Variants in GPC6 observed in about 807,000 individuals in gnomAD.
The protein encoded by GPC6 is glypican 6, also known as glypican-6.
GPC6 carries 14 observed loss-of-function variants against 55.2 expected under a neutral mutation model. The ratio of observed to expected loss-of-function variants is 0.25; its 90% confidence interval spans 0.17 to 0.40. The LOEUF is 0.40. GPC6 is among the 10% of genes least tolerant of loss of function. GPC6 has a pLI of 1.00. For missense variants in GPC6, 641 were observed against 708.5 expected (o/e 0.90, Z 1.08); for synonymous variants, 278 against 259.6 (o/e 1.07, Z -0.68).
intron 3 of GPC6, among the ~76,000 whole-genome samples, chr13:93,916,817 G>A (rs1193509150): frequency 6.6e-6 from 1 of 151,824 alleles, no homozygotes; most frequent in African/African-American, 2.4e-5. Flanking sequence ...GGAGGGGAGG[G>A]GTGGGTTTAT....
intron 3 of GPC6, among the ~76,000 whole-genome samples, chr13:93,883,757 G>A (rs1875145342): frequency 6.6e-6 from 1 of 151,906 alleles, no homozygotes; most frequent in Non-Finnish European, 1.5e-5. Context: ...CTTTTTGACT[G>A]CCAGGTGACT....
At chr13:93,625,868 C>T (rs1879179720) in intron 2 of GPC6, among the ~76,000 whole-genome samples, 1 of 152,184 alleles carries the variant, frequency 6.6e-6, no homozygotes, top group African/African-American at 2.4e-5. Flanking sequence ...TGGCCAAGAA[C>T]AGCCTGTATT....
At chr13:94,156,193 T>A (rs1472008364) in intron 4 of GPC6, among the ~76,000 whole-genome samples, 1 of 152,108 alleles carries the variant, frequency 6.6e-6, no homozygotes, top group East Asian at 1.9e-4. Flanking sequence ...TTAAGTAAGA[T>A]AAGGAGAAAC....
At chr13:93,375,289 T>C (rs910870776) in intron 1 of GPC6, among the ~76,000 whole-genome samples, 4 of 152,228 alleles carry the variant, frequency 2.6e-5, no homozygotes, top group Admixed American at 6.5e-5. Context: ...TGCGGTAATG[T>C]AATAACACAG....
At chr13:93,903,423 C>T (rs1280431472) in intron 3 of GPC6, among the ~76,000 whole-genome samples, 1 of 152,184 alleles carries the variant, frequency 6.6e-6, no homozygotes, top group Non-Finnish European at 1.5e-5. Context: ...TGCTGCAGAA[C>T]TTTCAAAGAT....
chr13:93,664,746 T>A lies in GPC6; in HGVS notation c.319+119325T>A, dbSNP rs1359503649. ...AATTCTCCTGCCTCAGCCTCCTGAG[T>A]AGCTGGGATTACAGGCATGCGCCAC... On this transcript the variant is annotated intron_variant, in intron 2 of 8. Transcript: ENST00000377047. Among the ~76,000 whole-genome samples the A allele has an allele frequency of 2.6e-5, 4 of 152,216 alleles. 1 individual carries two copies. The highest frequency in any genetic ancestry group is 9.6e-5 in the African/African-American group (4 of 41,536).
chr13:93,876,957 A>G (rs1874629328), intron 3 of GPC6, among the ~76,000 whole-genome samples: 1 of 152,074 alleles, frequency 6.6e-6, no homozygotes, highest in African/African-American at 2.4e-5. Context: ...CATTTCCAAC[A>G]AAGTCTAAAC....
intron 1 of GPC6, among the ~76,000 whole-genome samples, chr13:93,400,680 A>G (rs1172047632): frequency 6.6e-6 from 1 of 152,162 alleles, no homozygotes; most frequent in Non-Finnish European, 1.5e-5. Context: ...CATGCATTTT[A>G]TGTCTGTATC....
intron 2 of GPC6, among the ~76,000 whole-genome samples, chr13:93,700,173 TA>T (rs1326261642): frequency 6.6e-6 from 1 of 152,126 alleles, no homozygotes; most frequent in Non-Finnish European, 1.5e-5. Context: ...CTTTTCTCTG[TA>T]AAATGAAACC....
chr13:93,764,011 G>GGATCTACT lies in GPC6; in HGVS notation c.320-66139_320-66132dup, dbSNP rs1566523283. ...AACCTTTGCACTTATATCACAGATCGGATCTACTGATTCCTTTTGAATTCC... is the reference window on the plus strand; with the variant it reads ...AACCTTTGCACTTATATCACAGATCGGATCTACTGATCTACTGATTCCTTTTGAATTCC... On this transcript the variant is annotated intron_variant, in intron 2 of 8. Coordinates refer to ENST00000377047, the MANE Select transcript of GPC6 (RefSeq NM_005708.5). 3.9e-5 allele frequency among the ~76,000 whole-genome samples: 6 copies of GGATCTACT among 152,122 alleles called. No individual in the cohort carries two copies. The South Asian group carries it at 1.0e-3, about 26-fold the overall frequency.
chr13:94,007,880 A>G (rs1183290380), intron 3 of GPC6, among the ~76,000 whole-genome samples: 1 of 152,132 alleles, frequency 6.6e-6, no homozygotes, highest in African/African-American at 2.4e-5. Flanking sequence ...TACATTTTTA[A>G]GGAAACAATT....
intron 2 of GPC6, among the ~76,000 whole-genome samples, chr13:93,556,082 C>G (rs1875448691): frequency 6.6e-6 from 1 of 152,064 alleles, no homozygotes; most frequent in Admixed American, 6.6e-5. Context: ...TAAGTTACCC[C>G]TTTTTCTTTT....
intron 1 of GPC6, among the ~76,000 whole-genome samples, chr13:93,423,453 T>A (rs73552642): frequency 0.034 from 5,237 of 152,272 alleles, 297 homozygotes; most frequent in African/African-American, 0.12. Flanking sequence ...TGTTTCAGAA[T>A]TTTTTCCTTT....
chr13:93,751,406 T>C (rs1405399999), intron 2 of GPC6, among the ~76,000 whole-genome samples: 3 of 152,000 alleles, frequency 2.0e-5, no homozygotes, highest in Non-Finnish European at 2.9e-5. Context: ...GTGTGTCTGA[T>C]AACTACTCCT....
At chr13:94,229,351 TG>T (rs1190521175) in intron 4 of GPC6, among the ~76,000 whole-genome samples, 1 of 152,190 alleles carries the variant, frequency 6.6e-6, no homozygotes, top group Non-Finnish European at 1.5e-5. Flanking sequence ...TTGGAGGGCC[TG>T]GTTATCAACG....
chr13:93,220,941 T>C, the GPC6 span, among the ~76,000 whole-genome samples: 1 of 152,142 alleles, frequency 6.6e-6, no homozygotes, highest in Admixed American at 6.5e-5. Flanking sequence ...TGGAATGCAG[T>C]GCACTGTCAC....
intron 4 of GPC6, among the ~76,000 whole-genome samples, chr13:94,085,182 C>T (rs939567756): frequency 3.6e-4 from 54 of 151,376 alleles, no homozygotes; most frequent in African/African-American, 1.2e-3. Context: ...ATTAGCCAAG[C>T]GTGGTGGTGT....
intron 4 of GPC6, among the ~76,000 whole-genome samples, chr13:94,136,437 G>A (rs371766517): frequency 2.6e-5 from 4 of 152,306 alleles, no homozygotes; most frequent in Admixed American, 6.5e-5. Flanking sequence ...TTTGCTGGGC[G>A]CGGTGGCTCA....
intron 2 of GPC6, among the ~76,000 whole-genome samples, chr13:93,605,842 T>TCAA (rs1878216494): frequency 1.5e-5 from 1 of 65,898 alleles, no homozygotes; most frequent in African/African-American, 5.0e-5. Context: ...ACCGTCTCAA[T>TCAA]AAAAAAAAAA....
Sources: gnomAD v4.1 joint callset for allele counts (sites outside exome capture counted in the v4.1 genomes callset) on GRCh38, gnomAD v4.1.1 for gene constraint, MANE v1.5 for transcripts, NCBI Gene and HGNC (gene_info 2026-07-23, HGNC 2026-07-21) for gene names.